JPT2: variants seen among roughly 807,000 people sequenced by gnomAD.
JPT2 encodes the protein CRAMP_1 like.
In JPT2, 9 loss-of-function variants were observed where a neutral mutation model predicts 15.9. The ratio of observed to expected loss-of-function variants is 0.57; its 90% CI spans 0.34 to 0.99. The LOEUF is 0.99. Ranked by LOEUF, JPT2 falls within the 50% of genes least tolerant of loss-of-function variation. The pLI is 0.02. For synonymous variants in JPT2, 95 were observed against 91.7 expected (o/e 1.04, Z -0.21); for missense variants, 267 against 252.1 (o/e 1.06, Z -0.40).
chr16:1,697,707 A>G, intron 3 of JPT2, 105 bp from the exon 4 acceptor site: 1 of 1,057,790 alleles, frequency 9.5e-7, no homozygotes, highest in South Asian at 1.4e-5. Context: ...ATATACAAGC[A>G]TTTTTGTAAA....
intron 1 of JPT2, chr16:1,683,692 G>A (rs1258821766): frequency 1.7e-5 from 14 of 814,380 alleles, no homozygotes; most frequent in Non-Finnish European, 2.6e-5. Flanking sequence ...TTTATAGCAG[G>A]AGATCTGAGA....
At chr16:1,690,634 C>T (rs1339526573) in intron 2 of JPT2, 4 of 152,120 alleles carry the variant, frequency 2.6e-5, no homozygotes, top group Non-Finnish European at 2.9e-5. Context: ...AGTGTGGAGC[C>T]CCTGCATTTC....
intron 1 of JPT2, among the ~76,000 whole-genome samples, chr16:1,678,805 C>T (rs2036995875): frequency 6.7e-6 from 1 of 149,426 alleles, no homozygotes; most frequent in East Asian, 2.0e-4. Flanking sequence ...GCGATGTGTT[C>T]GTGGGGGGTG....
At position 1,685,429 on chromosome 16, in the gene JPT2, G is replaced by A; in HGVS notation, c.45-10G>A. Reference sequence around the variant, plus strand: ...GCCATCAGTAATTGGCATGTACTCTGTGCTTGTAGGGCCATGAAGCCCCCA... The same window carrying A: ...GCCATCAGTAATTGGCATGTACTCTATGCTTGTAGGGCCATGAAGCCCCCA... On this transcript the variant is annotated splice_polypyrimidine_tract_variant and intron_variant, in intron 1 of 4. Coordinates refer to ENST00000248098, the MANE Select transcript of JPT2 (RefSeq NM_144570.3). The A allele has an allele frequency of 6.2e-7, 1 of 1,613,970 alleles. No individual in the cohort carries two copies. The highest frequency in any genetic ancestry group is 8.5e-7 in the Non-Finnish European group (1 of 1,179,926).
intron 1 of JPT2, among the ~76,000 whole-genome samples, chr16:1,684,374 G>A (rs185797666): frequency 6.5e-4 from 99 of 152,246 alleles, no homozygotes; most frequent in African/African-American, 2.2e-3. Context: ...GGTTTTTAAT[G>A]TAGATAGTGC....
chr16:1,691,360 G>A (rs2142226620), intron 2 of JPT2, among the ~76,000 whole-genome samples: 1 of 152,316 alleles, frequency 6.6e-6, no homozygotes, highest in African/African-American at 2.4e-5. Context: ...CCAGAATGAG[G>A]TCAGAAGAAT....
chr16:1,686,942 A>G (rs1342878620), intron 2 of JPT2, among the ~76,000 whole-genome samples: 1 of 152,124 alleles, frequency 6.6e-6, no homozygotes, highest in Non-Finnish European at 1.5e-5. Flanking sequence ...GACCAAATGT[A>G]GAGGAAAAAA....
rs1385500219 is a variant in JPT2 at position 1,698,033 on chromosome 16, G to A, written c.385+173G>A. On this transcript the variant is annotated intron_variant, in intron 4 of 4. Coordinates refer to ENST00000248098, the MANE Select transcript of JPT2 (RefSeq NM_144570.3). The surrounding 1 kb of genome is among the most constrained non-coding windows in gnomAD (Gnocchi z 4.9). ...AGGATTCAGCATTTGAAGAAGGCTA[G>A]GGTGAAACCCTGGGACTTGGTTGTC... Among the ~76,000 whole-genome samples the A allele has an allele frequency of 6.6e-6, 1 of 152,198 alleles. No individual in the cohort carries two copies. Among genetic ancestry groups the A allele is most frequent in the African/African-American group, 2.4e-5 (1 of 41,464 alleles).
rs1211313471 is a variant in JPT2, at chr16:1,691,989, T to C, written c.336+4T>C. ...GGCACACCCAAACAAACCCAAGGTATGGACTGCATTCAGACGTGACAGCGC... is the reference window on the plus strand; with the variant it reads ...GGCACACCCAAACAAACCCAAGGTACGGACTGCATTCAGACGTGACAGCGC... On this transcript the variant is annotated splice_donor_region_variant and intron_variant, in intron 3 of 4. Coordinates refer to ENST00000248098, the MANE Select transcript of JPT2 (RefSeq NM_144570.3). 6.2e-7 allele frequency: 1 copy of C among 1,613,996 alleles called. No homozygotes were observed. Among genetic ancestry groups the C allele is most frequent in the African/African-American group, 1.3e-5 (1 of 74,934 alleles).
chr16:1,702,286 C>T, downstream of JPT2: 2 of 415,730 alleles, frequency 4.8e-6, no homozygotes, highest in Non-Finnish European at 9.8e-6. Flanking sequence ...AACTGAAACA[C>T]CGTCTTCACT....
intron 3 of JPT2, among the ~76,000 whole-genome samples, chr16:1,695,993 C>T (rs886681763): frequency 2.6e-5 from 4 of 152,154 alleles, no homozygotes; most frequent in Admixed American, 2.0e-4. Flanking sequence ...CTTTGGGAGG[C>T]CGAGGTGGGC....
intron 3 of JPT2, among the ~76,000 whole-genome samples, chr16:1,695,831 A>C (rs781216795): frequency 1.3e-5 from 2 of 152,160 alleles, no homozygotes; most frequent in Admixed American, 6.5e-5. Context: ...AGATCATGCA[A>C]CTGCACTCCA....
Position 1,701,920 on chromosome 16 carries a change from TA to T in JPT2, c.*2923del, listed in dbSNP as rs1283805822. 4 of 324,190 alleles carry T rather than the reference TA, an allele frequency of 1.2e-5. No homozygotes were observed. Among genetic ancestry groups the T allele is most frequent in the Non-Finnish European group, 2.5e-5 (4 of 160,820 alleles). 20.1% of individuals were successfully genotyped at this position (324,190 alleles called of 1,614,324 possible). On this transcript the variant is annotated 3_prime_UTR_variant, in exon 5 of 5. Transcript: ENST00000248098. ...AGCCGGATGTGGTGGTGCATGCCTG[TA>T]GTCCCAGCTACTCGGGAGGCTGAGT...
At chr16:1,683,437 T>C (rs542833275) in intron 1 of JPT2, 6 of 982,428 alleles carry the variant, frequency 6.1e-6, no homozygotes, top group South Asian at 1.4e-5. Flanking sequence ...AGCTTGGTTA[T>C]TGGTTATTTT....
At chr16:1,688,591 AG>A (rs764650027) in intron 2 of JPT2, 2 of 152,224 alleles carry the variant, frequency 1.3e-5, no homozygotes, top group African/African-American at 4.8e-5. Context: ...CAAATCTTGT[AG>A]GCCAGGTGCG....
intron 2 of JPT2, among the ~76,000 whole-genome samples, 183 bp from the exon 3 acceptor site, chr16:1,691,660 G>A (rs1434598616): frequency 6.6e-6 from 1 of 152,036 alleles, no homozygotes; most frequent in Admixed American, 6.6e-5. Context: ...ATCCAGCCAT[G>A]GTTTTCAGGG....
intron 1 of JPT2, among the ~76,000 whole-genome samples, chr16:1,682,295 T>C (rs535994261): frequency 6.6e-6 from 1 of 152,114 alleles, no homozygotes; most frequent in South Asian, 2.1e-4. Context: ...GAGAATTGCT[T>C]GAACCTGGGA....
chr16:1,683,434 T>G, intron 1 of JPT2: 4 of 943,364 alleles, frequency 4.2e-6, no homozygotes, highest in Non-Finnish European at 4.9e-6. Flanking sequence ...TTAAGCTTGG[T>G]TATTGGTTAT....
chr16:1,689,506 C>A (rs1034816796), intron 2 of JPT2: 1 of 152,028 alleles, frequency 6.6e-6, no homozygotes, highest in Non-Finnish European at 1.5e-5. Flanking sequence ...AGTCTGTCAC[C>A]CAGGCTACAG....
Sources: gnomAD v4.1 joint callset for allele counts (sites outside exome capture counted in the v4.1 genomes callset) on GRCh38, gnomAD v4.1.1 for gene constraint, Gnocchi (gnomAD v3.1) non-coding constraint, MANE v1.5 for transcripts, NCBI Gene and HGNC (gene_info 2026-07-23, HGNC 2026-07-21) for gene names.